The following AK9 variants were observed in gnomAD, a reference collection of about 807,000 sequenced individuals.
The protein encoded by AK9 is adenylate kinase domain containing 1.
Under a neutral mutation model 239.6 loss-of-function variants are expected in AK9, and 191 were observed. The ratio of observed to expected loss-of-function variants is 0.80; its 90% CI spans 0.71 to 0.90. The LOEUF (loss-of-function observed/expected upper bound fraction) is 0.90. Among genes scored for constraint, AK9 ranks in the 40% least tolerant of loss-of-function variants. The probability of loss-of-function intolerance (pLI) is 0.00; values close to 1 mark genes in which losing one functional copy is unlikely to be tolerated. For synonymous variants in AK9, 689 were observed against 721.0 expected, an observed-to-expected ratio of 0.96 and a Z score of 0.71; for missense variants, 1,995 against 2,214.7, an observed-to-expected ratio of 0.90 and a Z score of 1.99.
chr6:109,500,056 C>CAT (rs201924052), intron 35 of AK9, among the ~76,000 whole-genome samples: 4,226 of 151,696 alleles, frequency 0.028, 207 homozygotes, highest in African/African-American at 0.096. Context: ...CACACACACA[C>CAT]ACACACACAC....
At chr6:109,606,436 T>A (rs1205096332) in intron 17 of AK9, among the ~76,000 whole-genome samples, 1 of 152,086 alleles carries the variant, frequency 6.6e-6, no homozygotes, top group East Asian at 1.9e-4. Context: ...TAGGTACAGA[T>A]GTTAGAGGGA....
At chr6:109,531,203 TGATCA>T (rs1263401062) in intron 28 of AK9, among the ~76,000 whole-genome samples, 1 of 152,104 alleles carries the variant, frequency 6.6e-6, no homozygotes, top group Non-Finnish European at 1.5e-5. Flanking sequence ...TGGGGTGGCT[TGATCA>T]AAATGGAGTT....
In AK9 at chr6:109,671,997, T is replaced by A. The variant is rs143883482; in HGVS notation, c.253A>T (p.Ser85Cys). 2.5e-6 allele frequency: 4 copies of A among 1,613,898 alleles called. No homozygotes were observed. The African/African-American group carries it at 5.3e-5, about 22-fold the overall frequency. Residue 85 changes from serine to cysteine, a missense_variant, in exon 5 of 41, where the codon AGC becomes TGC. This residue lies in a region of AK9 where 252 missense variants were observed against 246.4 expected (regional missense o/e 1.02). Transcript: ENST00000424296. The stretch of plus-strand genomic sequence containing the variant: ...AGTTCATCTGGAATGCTTTGACCGC[T>A]GATCAACATTGATTGCAACTAAGGA... ...SGVMLQSMLISGQSIPDELVI... is the reference protein window; with the variant it reads ...SGVMLQSMLICGQSIPDELVI...
intron 20 of AK9, among the ~76,000 whole-genome samples, chr6:109,577,868 CT>C (rs1264285616): frequency 6.8e-6 from 1 of 146,890 alleles, no homozygotes; most frequent in African/African-American, 2.5e-5. Context: ...TTCTTTCTTT[CT>C]TTTTCTTTCC....
rs1397498405 is a variant in AK9, at chr6:109,564,249, A to G, written c.2466T>C (p.Tyr822=). The G allele has an allele frequency of 6.4e-7, 1 of 1,550,924 alleles. No homozygotes were observed. Among genetic ancestry groups the G allele is most frequent in the Non-Finnish European group, 8.7e-7 (1 of 1,146,770 alleles). The change falls in exon 23 of 41, where the codon TAT becomes TAC. Residue 822 remains tyrosine, a synonymous_variant. Transcript: ENST00000424296. ...VVLPEFPEDS[Y]PDVPEMEPFK... is the part of the protein sequence containing the mutation. ...ATGGCTCCATTTCGGGAACATCAGG[A>G]TAAGAGTCTTCTGGAAACTCAGGTA...
At chr6:109,669,282 T>A (rs1801721880) in intron 5 of AK9, among the ~76,000 whole-genome samples, 1 of 152,122 alleles carries the variant, frequency 6.6e-6, no homozygotes, top group Non-Finnish European at 1.5e-5. Context: ...CTTGAGGAGA[T>A]TTTGGGCTGA....
rs560003572 is a variant in AK9, at chr6:109,590,554, T to C, written c.1843-4482A>G. Among the ~76,000 whole-genome samples, 175 of 152,326 alleles carry C rather than the reference T, an allele frequency of 1.1e-3. No homozygotes were observed. The South Asian group carries it at 0.016, about 14-fold the overall frequency. On this transcript the variant is annotated intron_variant, in intron 17 of 40. Transcript: ENST00000424296. ...GTTTTTGGTCTCAGTTTCATTTAGT[T>C]CTGCTAGCTTTTGATGTGGTTTGCT...
rs550954664 is a variant in AK9, at chr6:109,564,392, A to C, written c.2435-112T>G. 4 of 743,500 alleles carry C rather than the reference A, an allele frequency of 5.4e-6. No homozygotes were observed. In the South Asian group the frequency reaches 8.5e-5, roughly 16 times the overall value. 46.1% of individuals were successfully genotyped at this position (743,500 alleles called of 1,614,324 possible). On this transcript the variant is annotated intron_variant, in intron 22 of 40. Transcript: ENST00000424296. ...ATTTTTTTAAACAGTTAAAAAAATA[A>C]TATTCTAAGCAACAATATACATTCA...
chr6:109,670,230 T>C (rs959800859), intron 5 of AK9, among the ~76,000 whole-genome samples: 1 of 152,218 alleles, frequency 6.6e-6, no homozygotes, highest in Admixed American at 6.5e-5. Flanking sequence ...AAAATATCTA[T>C]GAGGTAATTA....
At chr6:109,656,030 A>G (rs1799655875) in intron 8 of AK9, among the ~76,000 whole-genome samples, 1 of 152,196 alleles carries the variant, frequency 6.6e-6, no homozygotes, top group Admixed American at 6.6e-5. Flanking sequence ...TAGTTTCTCT[A>G]TCATATGGGA....
At chr6:109,576,887 G>A (rs1282528757) in intron 20 of AK9, among the ~76,000 whole-genome samples, 1 of 150,592 alleles carries the variant, frequency 6.6e-6, no homozygotes. Flanking sequence ...CTGGAGTGCA[G>A]TGGCATGATC....
At chr6:109,619,456 A>C (rs1409550954) in intron 12 of AK9, among the ~76,000 whole-genome samples, 2 of 152,108 alleles carry the variant, frequency 1.3e-5, no homozygotes, top group Non-Finnish European at 2.9e-5. Context: ...ATATATGTCT[A>C]TATATGTATT....
intron 24 of AK9, 56 bp downstream of exon 24, chr6:109,563,541 T>C: frequency 6.5e-7 from 1 of 1,535,160 alleles, no homozygotes; most frequent in Non-Finnish European, 8.8e-7. Context: ...CCACTCTTAT[T>C]TGCATATTTT....
At chr6:109,496,598 CCCT>C (rs1300760146) in intron 38 of AK9, among the ~76,000 whole-genome samples, 1 of 152,114 alleles carries the variant, frequency 6.6e-6, no homozygotes, top group Non-Finnish European at 1.5e-5. Context: ...CCTCCCTCAA[CCCT>C]CCTCATCCTG....
intron 29 of AK9, among the ~76,000 whole-genome samples, chr6:109,525,283 C>A (rs1780346156): frequency 6.6e-6 from 1 of 152,094 alleles, no homozygotes; most frequent in Admixed American, 6.6e-5. Context: ...TCTCCAAAAG[C>A]AATTGCAACA....
rs1385246209 is a variant in AK9, at chr6:109,656,846, A to C, written c.669T>G (p.Leu223=). ...IAEMQMVAEI[L]HHLVQRPEDY... Reference sequence around the variant, plus strand: ...CTTCAGGCCTCTGAACTAGATGATGAAGAATTTCAGCCACCATCTGCATTT... The same window carrying C: ...CTTCAGGCCTCTGAACTAGATGATGCAGAATTTCAGCCACCATCTGCATTT... The change falls in exon 8 of 41, where the codon CTT becomes CTG. Residue 223 remains leucine, a synonymous_variant. Coordinates refer to ENST00000424296, the MANE Select transcript of AK9 (RefSeq NM_001145128.3). 1 of 1,612,802 alleles carries C rather than the reference A, an allele frequency of 6.2e-7. No individual in the cohort carries two copies. Among genetic ancestry groups the C allele is most frequent in the Admixed American group, 1.7e-5 (1 of 59,814 alleles).
At chr6:109,559,041 G>T (rs140817686) in intron 24 of AK9, among the ~76,000 whole-genome samples, 1 of 151,702 alleles carries the variant, frequency 6.6e-6, no homozygotes, top group African/African-American at 2.4e-5. Flanking sequence ...CAATAGAGAG[G>T]GGGGGTTCGC....
chr6:109,647,874 A>C (rs1261061894), intron 8 of AK9, among the ~76,000 whole-genome samples: 2 of 152,220 alleles, frequency 1.3e-5, no homozygotes, highest in Non-Finnish European at 2.9e-5. Flanking sequence ...AAGAACAGAA[A>C]TTATAACAAA....
chr6:109,606,287 TAG>T (rs1024139551), intron 17 of AK9, among the ~76,000 whole-genome samples: 1 of 151,888 alleles, frequency 6.6e-6, no homozygotes, highest in Non-Finnish European at 1.5e-5. Context: ...GATAGATAGA[TAG>T]ATAGATAGAT....
Sources: allele counts gnomAD v4.1 joint callset (sites outside exome capture counted in the v4.1 genomes callset), GRCh38; gene constraint gnomAD v4.1.1; regional missense constraint gnomAD v4.1.1; transcripts MANE v1.5; gene names NCBI Gene and HGNC (gene_info 2026-07-23, HGNC 2026-07-21).